The following STAG1 variants were observed in gnomAD, a reference collection of about 807,000 sequenced individuals.
STAG1 encodes cohesin subunit SA-1.
In STAG1, 26 loss-of-function variants were observed where a neutral mutation model predicts 170.9. That is an observed-to-expected ratio of 0.15 (90% CI 0.11 to 0.21). The LOEUF (loss-of-function observed/expected upper bound fraction) is 0.21. Ranked by LOEUF, STAG1 falls within the 10% of genes least tolerant of loss-of-function variation. The pLI is 1.00. For synonymous variants in STAG1, 514 were observed against 497.7 expected, an observed-to-expected ratio of 1.03 and a Z score of -0.44; for missense variants, 964 against 1,509.5, an observed-to-expected ratio of 0.64 and a Z score of 5.99.
intron 13 of STAG1, among the ~76,000 whole-genome samples, chr3:136,464,362 G>C (rs777882793): frequency 2.6e-5 from 4 of 151,928 alleles, no homozygotes; most frequent in Non-Finnish European, 4.4e-5. Context: ...GGCAGAAGTT[G>C]TGGTGAGTCG....
At position 136,472,498 on chromosome 3, in the gene STAG1, A is replaced by G. The variant is rs191636777; in HGVS notation, c.1126-6T>C. 175 of 1,605,020 alleles carry G rather than the reference A, an allele frequency of 1.1e-4. No homozygotes were observed. The highest frequency in any genetic ancestry group is 8.7e-4 in the East Asian group (39 of 44,612). ...GTCATTGATACAATGCGATCCTGAG[A>G]AAAAAAAGTTGTAAAACAAACCAAC... On this transcript the variant is annotated splice_polypyrimidine_tract_variant and splice_region_variant and intron_variant, in intron 11 of 33. Coordinates refer to ENST00000383202, the MANE Select transcript of STAG1 (RefSeq NM_005862.3).
At chr3:136,527,184 G>A (rs1935079223) in intron 6 of STAG1, among the ~76,000 whole-genome samples, 1 of 152,214 alleles carries the variant, frequency 6.6e-6, no homozygotes, top group African/African-American at 2.4e-5. Flanking sequence ...ATCCTGCAGA[G>A]TGTTTTCCAA....
At chr3:136,613,148 A>C (rs1038590978) in intron 3 of STAG1, among the ~76,000 whole-genome samples, 12 of 151,380 alleles carry the variant, frequency 7.9e-5, no homozygotes, top group African/African-American at 2.9e-4. Flanking sequence ...CTAAAAATAC[A>C]AAAAAAATTA....
intron 5 of STAG1, among the ~76,000 whole-genome samples, chr3:136,563,351 A>G (rs1410535365): frequency 6.6e-6 from 1 of 152,074 alleles, no homozygotes; most frequent in Non-Finnish European, 1.5e-5. Context: ...TTCTGTTTGT[A>G]TTCATTTTTA....
intron 15 of STAG1, among the ~76,000 whole-genome samples, chr3:136,436,483 T>C (rs1472502060): frequency 6.6e-6 from 1 of 152,100 alleles, no homozygotes; most frequent in Admixed American, 6.6e-5. Flanking sequence ...GGTTTCACCA[T>C]GTTGGCCTGG....
chr3:136,400,985 A>G (rs1310320711), intron 21 of STAG1, among the ~76,000 whole-genome samples: 1 of 152,228 alleles, frequency 6.6e-6, no homozygotes, highest in East Asian at 1.9e-4. Flanking sequence ...ATTGAAATAT[A>G]TGAAAAAATC....
intron 4 of STAG1, among the ~76,000 whole-genome samples, chr3:136,574,541 T>C (rs1937387915): frequency 6.6e-6 from 1 of 152,176 alleles, no homozygotes; most frequent in Non-Finnish European, 1.5e-5. Context: ...GTTGTGGTTA[T>C]ATTCATGTCA....
At chr3:136,480,980 C>G (rs1201056895) in intron 9 of STAG1, among the ~76,000 whole-genome samples, 1 of 141,590 alleles carries the variant, frequency 7.1e-6, no homozygotes, top group Non-Finnish European at 1.5e-5. Flanking sequence ...AGATTTTGGG[C>G]TGAGACGATG....
At chr3:136,403,887 T>C (rs1047361472) in intron 21 of STAG1, among the ~76,000 whole-genome samples, 3 of 152,182 alleles carry the variant, frequency 2.0e-5, no homozygotes, top group African/African-American at 4.8e-5. Context: ...TGGTATTCCT[T>C]TTAAGTTTAC....
At chr3:136,519,671 G>A (rs1179908440) in intron 7 of STAG1, among the ~76,000 whole-genome samples, 1 of 151,548 alleles carries the variant, frequency 6.6e-6, no homozygotes, top group African/African-American at 2.4e-5. Flanking sequence ...CAAATGCAGA[G>A]GATACTACGA....
rs866805794 is a variant in STAG1, at chr3:136,581,938, A to G, written c.298-13077T>C. Among the ~76,000 whole-genome samples, 10 of 152,332 alleles carry G rather than the reference A, an allele frequency of 6.6e-5. No individual in the cohort carries two copies. In the Middle Eastern group the frequency reaches 0.017, roughly 259 times the overall value. On this transcript the variant is annotated intron_variant, in intron 4 of 33. Transcript: ENST00000383202. ...AGGAACCAAAATCTTAAAAATTATG[A>G]CTATGTGTGATACTTTCTTCTCTTC...
intron 22 of STAG1, among the ~76,000 whole-genome samples, chr3:136,395,308 T>C (rs563205599): frequency 2.0e-5 from 3 of 152,146 alleles, no homozygotes; most frequent in Admixed American, 6.6e-5. Flanking sequence ...CTCATTCCAA[T>C]TATGGAATAT....
chr3:136,747,195 C>T (rs1025647639), intron 1 of STAG1, among the ~76,000 whole-genome samples: 2 of 149,244 alleles, frequency 1.3e-5, no homozygotes, highest in African/African-American at 2.5e-5. Context: ...ATCACTTGAA[C>T]CTGGGAAGCG....
At chr3:136,467,796 T>A (rs552077088) in intron 12 of STAG1, among the ~76,000 whole-genome samples, 2 of 152,010 alleles carry the variant, frequency 1.3e-5, no homozygotes, top group Non-Finnish European at 2.9e-5. Flanking sequence ...GAACAGAAAT[T>A]ATAACAAACT....
At chr3:136,655,094 G>C (rs564534205) in intron 1 of STAG1, among the ~76,000 whole-genome samples, 5 of 152,140 alleles carry the variant, frequency 3.3e-5, no homozygotes, top group Admixed American at 1.3e-4. Flanking sequence ...TGATTTCTCA[G>C]AACAACATCG....
chr3:136,399,714 T>G lies in STAG1; in HGVS notation c.2197-885A>C, dbSNP rs116569425. 5.3e-3 allele frequency among the ~76,000 whole-genome samples: 807 copies of G among 152,280 alleles called. 6 individuals carry two copies. The highest frequency in any genetic ancestry group is 8.1e-3 in the Non-Finnish European group (550 of 68,016). On this transcript the variant is annotated intron_variant, in intron 21 of 33. Transcript: ENST00000383202. ...TTGGTGCACTCTGCATGCATTTTTCTAGGGCAGAGGTTTTCAGAGTTTTTA... is the reference window on the plus strand; with the variant it reads ...TTGGTGCACTCTGCATGCATTTTTCGAGGGCAGAGGTTTTCAGAGTTTTTA...
chr3:136,716,089 C>T (rs1041029317), intron 1 of STAG1, among the ~76,000 whole-genome samples: 3 of 151,862 alleles, frequency 2.0e-5, no homozygotes, highest in African/African-American at 2.4e-5. Context: ...CACAGAGAGA[C>T]TTCATCTCAA....
chr3:136,628,505 A>G (rs1940200357), intron 2 of STAG1, among the ~76,000 whole-genome samples: 1 of 152,180 alleles, frequency 6.6e-6, no homozygotes, highest in Non-Finnish European at 1.5e-5. Flanking sequence ...GCCTTCAAAC[A>G]TATCGCAGGG....
intron 1 of STAG1, among the ~76,000 whole-genome samples, chr3:136,751,867 G>C (rs1480261125): frequency 6.6e-6 from 1 of 150,714 alleles, no homozygotes; most frequent in Non-Finnish European, 1.5e-5. Flanking sequence ...AGGCTTCCGC[G>C]CCTGTCGCCG....
Sources: gnomAD v4.1 joint callset for allele counts (sites outside exome capture counted in the v4.1 genomes callset) on GRCh38, gnomAD v4.1.1 for gene constraint, MANE v1.5 for transcripts, NCBI Gene and HGNC (gene_info 2026-07-23, HGNC 2026-07-21) for gene names.